The following WDR17 variants were observed in gnomAD, a reference collection of about 807,000 sequenced individuals.
WDR17 encodes the protein WD repeat-containing protein 17.
Under a neutral mutation model 161.7 loss-of-function variants are expected in WDR17, and 143 were observed. That is an observed-to-expected ratio of 0.88 (90% CI 0.77 to 1.02). The LOEUF (loss-of-function observed/expected upper bound fraction) is 1.02, where lower values mean the gene tolerates loss of function less well. Ranked by LOEUF, WDR17 falls within the 50% of genes least tolerant of loss-of-function variation. WDR17 has a pLI of 0.00. For missense variants in WDR17, 1,469 were observed against 1,520.9 expected (o/e 0.97, Z 0.57); for synonymous variants, 517 against 515.6 (o/e 1.00, Z -0.04).
intron 5 of WDR17, among the ~76,000 whole-genome samples, chr4:176,125,991 C>G (rs1579118149): frequency 6.6e-6 from 1 of 152,172 alleles, no homozygotes; most frequent in East Asian, 1.9e-4. Flanking sequence ...AAGGGGAGAC[C>G]TAGCTGGCTT....
At chr4:176,168,328 A>G (rs1381264348) in intron 22 of WDR17, among the ~76,000 whole-genome samples, 1 of 152,210 alleles carries the variant, frequency 6.6e-6, no homozygotes, top group Non-Finnish European at 1.5e-5. Context: ...GTTAACTTTC[A>G]CAATGTTTGC....
intron 24 of WDR17, 92 bp downstream of exon 24, chr4:176,172,608 T>C: frequency 8.5e-7 from 1 of 1,172,322 alleles, no homozygotes; most frequent in Non-Finnish European, 1.2e-6. Context: ...ATTTTTGCAT[T>C]GCTATAAAGA....
intron 1 of WDR17, among the ~76,000 whole-genome samples, chr4:176,080,471 A>G (rs1186373736): frequency 6.6e-6 from 1 of 152,104 alleles, no homozygotes; most frequent in Non-Finnish European, 1.5e-5. Flanking sequence ...GGGAGAAGGC[A>G]CTGAAGTAGT....
intron 1 of WDR17, among the ~76,000 whole-genome samples, chr4:176,105,657 T>TA (rs1352313066): frequency 2.0e-5 from 3 of 152,052 alleles, no homozygotes; most frequent in African/African-American, 7.2e-5. Context: ...AGAAAACTCT[T>TA]AGAGATGAGT....
At chr4:176,081,498 C>T (rs1451491040) in intron 1 of WDR17, among the ~76,000 whole-genome samples, 1 of 152,030 alleles carries the variant, frequency 6.6e-6, no homozygotes, top group African/African-American at 2.4e-5. Context: ...TGTTCATTCT[C>T]TATTATAGCA....
chr4:176,166,471 A>G (rs905287140), intron 22 of WDR17, among the ~76,000 whole-genome samples: 5 of 152,146 alleles, frequency 3.3e-5, no homozygotes, highest in Non-Finnish European at 7.4e-5. Flanking sequence ...AGATCATTCA[A>G]TTGGTCTATA....
intron 26 of WDR17, among the ~76,000 whole-genome samples, chr4:176,175,639 C>G (rs573003481): frequency 4.0e-5 from 6 of 151,658 alleles, no homozygotes; most frequent in Non-Finnish European, 8.8e-5. Flanking sequence ...CCCACTGCAA[C>G]CTCCGCCTCC....
At position 176,180,968 on chromosome 4, in the gene WDR17, ATAATATAGATG is replaced by A. The variant is rs1752099964; in HGVS notation, c.*1390_*1400del. 6.6e-6 allele frequency: 1 copy of A among 152,212 alleles called. No homozygotes were observed. The highest frequency in any genetic ancestry group is 2.4e-5 in the African/African-American group (1 of 41,458). 9.4% of individuals were successfully genotyped at this position (152,212 alleles called of 1,614,324 possible). On this transcript the variant is annotated 3_prime_UTR_variant, in exon 29 of 29. Transcript: ENST00000508596. ...ATACTCAAGTTGTTTCACAAGATTT[ATAATATAGATG>A]GTTTTGTTTGACTAAAGAATAATCT...
At chr4:176,140,486 G>A (rs76675486) in intron 10 of WDR17, among the ~76,000 whole-genome samples, 1,746 of 152,202 alleles carry the variant, frequency 0.011, 19 homozygotes, top group Non-Finnish European at 0.018. Context: ...CTGTGTTTTA[G>A]AAATATGTGC....
At chr4:176,152,083 G>A (rs1047971530) in intron 17 of WDR17, 116 bp downstream of exon 17, 22 of 1,026,772 alleles carry the variant, frequency 2.1e-5, no homozygotes, top group East Asian at 2.9e-5. Context: ...GCCAAGGTGG[G>A]TGGATCACTT....
intron 1 of WDR17, among the ~76,000 whole-genome samples, chr4:176,071,091 A>G (rs1474913893): frequency 6.6e-6 from 1 of 151,326 alleles, no homozygotes; most frequent in Non-Finnish European, 1.5e-5. Context: ...CCTGGGGATT[A>G]CATAGCAATT....
intron 1 of WDR17, among the ~76,000 whole-genome samples, chr4:176,088,554 A>G (rs894439706): frequency 1.3e-5 from 2 of 152,202 alleles, no homozygotes; most frequent in East Asian, 1.9e-4. Context: ...ATATTTTTCT[A>G]TGTAGATTTC....
At chr4:176,121,088 C>T (rs1302852245) in intron 4 of WDR17, among the ~76,000 whole-genome samples, 1 of 152,130 alleles carries the variant, frequency 6.6e-6, no homozygotes, top group Non-Finnish European at 1.5e-5. Flanking sequence ...TCTTTGTACA[C>T]GTCCTCTGTT....
At chr4:176,100,567 G>A (rs924417028) in intron 1 of WDR17, among the ~76,000 whole-genome samples, 8 of 151,996 alleles carry the variant, frequency 5.3e-5, no homozygotes, top group Non-Finnish European at 1.2e-4. Context: ...TTCTTTGGTT[G>A]TGCAGGAGCT....
intron 10 of WDR17, among the ~76,000 whole-genome samples, chr4:176,141,686 A>T (rs1021003792): frequency 2.0e-5 from 3 of 151,790 alleles, no homozygotes; most frequent in African/African-American, 7.3e-5. Flanking sequence ...ACCCGCCTCG[A>T]CCTCCCCAAG....
chr4:176,155,453 A>T (rs10012466), intron 17 of WDR17, among the ~76,000 whole-genome samples: 6,804 of 151,006 alleles, frequency 0.045, 456 homozygotes, highest in African/African-American at 0.15. Context: ...GAGAGCAGCC[A>T]TTTAATCCTT....
intron 1 of WDR17, among the ~76,000 whole-genome samples, chr4:176,078,130 C>G (rs1254807403): frequency 1.3e-5 from 2 of 152,052 alleles, no homozygotes; most frequent in Non-Finnish European, 2.9e-5. Context: ...CTTCTTATTG[C>G]TGCAGAATAT....
intron 17 of WDR17, among the ~76,000 whole-genome samples, chr4:176,155,716 A>AAAATATATATATATATAT (rs1554033763): frequency 4.6e-5 from 6 of 130,294 alleles, no homozygotes; most frequent in African/African-American, 1.5e-4. Flanking sequence ...GACTAATTAA[A>AAAATATATATATATATAT]ATATATATAT....
chr4:176,160,133 C>G lies in WDR17; in HGVS notation c.2658+7C>G. ...AGCTCTGCTTGTTGCACAGGTAAAA[C>G]CACAGAACTACCCCAGTCACATACA... is the stretch of plus-strand genomic sequence containing the variant. On this transcript the variant is annotated splice_region_variant and intron_variant, in intron 19 of 28. Coordinates refer to ENST00000508596, the MANE Select transcript of WDR17 (RefSeq NM_181265.4). 1 of 1,613,046 alleles carries G rather than the reference C, an allele frequency of 6.2e-7. No individual in the cohort carries two copies. Among genetic ancestry groups the G allele is most frequent in the Non-Finnish European group, 8.5e-7 (1 of 1,179,444 alleles).
Sources: gnomAD v4.1 joint callset for allele counts (sites outside exome capture counted in the v4.1 genomes callset) on GRCh38, gnomAD v4.1.1 for gene constraint, MANE v1.5 for transcripts, NCBI Gene and HGNC (gene_info 2026-07-23, HGNC 2026-07-21) for gene names.